The following TP53BP1 variants were observed in gnomAD, a reference collection of about 807,000 sequenced individuals.
The protein encoded by TP53BP1 is TP53-binding protein 1.
In TP53BP1, 61 loss-of-function variants were observed where a neutral mutation model predicts 200.8. That is an observed-to-expected ratio of 0.30 (90% CI 0.25 to 0.38). TP53BP1 has a LOEUF of 0.38. TP53BP1 is among the 10% of genes least tolerant of loss of function. TP53BP1 has a pLI of 1.00. For synonymous variants in TP53BP1, 822 were observed against 844.3 expected (o/e 0.97, Z 0.46); for missense variants, 2,144 against 2,371.9 (o/e 0.90, Z 2.00).
At chr15:43,429,310 T>C (rs2045619589) in intron 17 of TP53BP1, among the ~76,000 whole-genome samples, 1 of 152,224 alleles carries the variant, frequency 6.6e-6, no homozygotes, top group Admixed American at 6.5e-5. Context: ...AGAATTTCAG[T>C]CCTGCATTTC....
At chr15:43,457,671 CAAAAAAAAAAAAAAAAAAA>C (rs56866996) in intron 11 of TP53BP1, among the ~76,000 whole-genome samples, 1 of 19,082 alleles carries the variant, frequency 5.2e-5, no homozygotes. Flanking sequence ...GACTCCATCT[CAAAAAAAAAAAAAAAAAAA>C]AAAAAAAAAA....
chr15:43,482,232 A>C (rs926889337), intron 4 of TP53BP1, among the ~76,000 whole-genome samples: 10 of 151,680 alleles, frequency 6.6e-5, no homozygotes, highest in Admixed American at 3.9e-4. Context: ...CCACCTCAAA[A>C]AACAACAACA....
In TP53BP1 at chr15:43,456,237, A is replaced by G; in HGVS notation, c.2371T>C (p.Ser791Pro). The G allele has an allele frequency of 6.2e-7, 1 of 1,614,126 alleles. No homozygotes were observed. The highest frequency in any genetic ancestry group is 8.5e-7 in the Non-Finnish European group (1 of 1,180,036). The change falls in exon 12 of 28, where the codon TCA (serine) becomes CCA (proline). Residue 791 changes from serine to proline, a missense_variant. Physicochemically the swap from Ser to Pro is moderately conservative, Grantham distance 74 (BLOSUM62 -1). Transcript: ENST00000382044. ...EGVEKCSDSQ[S>P]WEDIAPEIEP... ...ATTTCTGGAGCAATATCCTCCCATGACTGGGAATCTGAGCACTTCTCCACT... is the reference window on the plus strand; with the variant it reads ...ATTTCTGGAGCAATATCCTCCCATGGCTGGGAATCTGAGCACTTCTCCACT...
intron 11 of TP53BP1, among the ~76,000 whole-genome samples, chr15:43,459,169 C>G (rs895438970): frequency 6.6e-6 from 1 of 151,974 alleles, no homozygotes; most frequent in Non-Finnish European, 1.5e-5. Flanking sequence ...GAAATCCCGC[C>G]CCTACTAAAA....
chr15:43,474,723 G>T lies in TP53BP1; in HGVS notation c.1130C>A (p.Ser377Tyr), dbSNP rs765304715. Residue 377 changes from serine (S) to tyrosine (Y), a missense_variant, in exon 10 of 28, where the codon TCT (serine) becomes TAT (tyrosine). Transcript: ENST00000382044. ...LVAPSPDAFR[S>Y]TPFIVPSSPT... is the part of the protein sequence containing the mutation. ...ACTGCTAGGAACGATAAAAGGAGTA[G>T]ATCGGAAAGCATCAGGAGAAGGAGC... The T allele has an allele frequency of 6.2e-7, 1 of 1,613,456 alleles. No individual in the cohort carries two copies.
rs999707110 is a variant in TP53BP1, at chr15:43,404,896, G to C, written c.*2487C>G. The C allele has an allele frequency of 4.1e-6, 2 of 488,214 alleles. No homozygotes were observed. 30.2% of individuals were successfully genotyped at this position (488,214 alleles called of 1,614,324 possible). ...CCCGCCTTGCTGGTCCCTAGCTTCC[G>C]CATCTGTGAAAGGAGGCGACCACCC... On this transcript the variant is annotated 3_prime_UTR_variant, in exon 28 of 28. Coordinates refer to ENST00000382044, the MANE Select transcript of TP53BP1 (RefSeq NM_001141980.3).
chr15:43,417,901 C>G (rs1032164186), intron 21 of TP53BP1, among the ~76,000 whole-genome samples: 5 of 152,084 alleles, frequency 3.3e-5, no homozygotes, highest in Non-Finnish European at 5.9e-5. Flanking sequence ...TTTTTCCAGC[C>G]GGGAGCAGTG....
chr15:43,469,912 T>G lies in TP53BP1; in HGVS notation c.1335A>C (p.Thr445=). Reference sequence around the variant, plus strand: ...GAAGTGACCCAGGAGGGAAGACTGGTGTGCTCTGAGATATTGGTGTTGAGG... The same window carrying G: ...GAAGTGACCCAGGAGGGAAGACTGGGGTGCTCTGAGATATTGGTGTTGAGG... ...PQASTPISQS[T]PVFPPGSLPI... Residue 445 remains threonine, a synonymous_variant, in exon 11 of 28, where the codon ACA becomes ACC. Transcript: ENST00000382044. 1 of 1,614,056 alleles carries G rather than the reference T, an allele frequency of 6.2e-7. No homozygotes were observed. The highest frequency in any genetic ancestry group is 1.1e-5 in the South Asian group (1 of 91,082).
At chr15:43,482,225 C>T (rs1286278209) in intron 4 of TP53BP1, among the ~76,000 whole-genome samples, 3 of 151,294 alleles carry the variant, frequency 2.0e-5, no homozygotes, top group East Asian at 1.9e-4. Context: ...CGAGACTCCA[C>T]CTCAAAAAAC....
intron 11 of TP53BP1, among the ~76,000 whole-genome samples, chr15:43,469,260 G>A (rs1399888358): frequency 6.6e-6 from 1 of 151,872 alleles, no homozygotes; most frequent in Non-Finnish European, 1.5e-5. Flanking sequence ...AATACACATT[G>A]GAAAACTAAA....
chr15:43,416,580 C>CACTTAGGATATATGTAGCT (rs2045270273), intron 21 of TP53BP1, 164 bp from the exon 22 acceptor site: 1 of 584,854 alleles, frequency 1.7e-6, no homozygotes, highest in Admixed American at 3.2e-5. Context: ...CAAACAGTAA[C>CACTTAGGATATATGTAGCT]ACTTAGGATA....
chr15:43,490,290 G>A lies in TP53BP1; in HGVS notation c.371+1379C>T, dbSNP rs142533391. Among the ~76,000 whole-genome samples the A allele has an allele frequency of 1.7e-3, 261 of 151,884 alleles. 2 individuals are homozygous for A. The highest frequency in any genetic ancestry group is 4.4e-3 in the South Asian group (21 of 4,804). On this transcript the variant is annotated intron_variant, in intron 4 of 27. Transcript: ENST00000382044. ...TTTTTAAGAGACCGGGTTTCACCAC[G>A]TTGTCCAGACTGGTATCAAACTCCT...
At chr15:43,469,527 C>A (rs1487953517) in intron 11 of TP53BP1, among the ~76,000 whole-genome samples, 3 of 151,912 alleles carry the variant, frequency 2.0e-5, no homozygotes, top group Non-Finnish European at 2.9e-5. Flanking sequence ...TTAAAAAAAA[C>A]CATAAGCATG....
At chr15:43,418,072 T>TG (rs1223794881) in intron 21 of TP53BP1, among the ~76,000 whole-genome samples, 2 of 149,188 alleles carry the variant, frequency 1.3e-5, no homozygotes, top group Non-Finnish European at 3.0e-5. Flanking sequence ...CCCAGCTACT[T>TG]GGGAGGCTGA....
intron 1 of TP53BP1, among the ~76,000 whole-genome samples, chr15:43,505,969 T>C (rs1270530873): frequency 2.6e-5 from 4 of 152,198 alleles, no homozygotes; most frequent in Non-Finnish European, 1.5e-5. Flanking sequence ...ATCTGAGCTG[T>C]ATGCAGCTCC....
At position 43,408,789 on chromosome 15, in the gene TP53BP1, C is replaced by T. The variant is rs542953222; in HGVS notation, c.5600+108G>A. On this transcript the variant is annotated intron_variant, in intron 26 of 27. Transcript: ENST00000382044. ...TTCAAACCCACTCAAATTTATCCCA[C>T]AGACATTCCAATTTCTAGAAAGCTT... 4.2e-4 allele frequency: 476 copies of T among 1,121,918 alleles called. 1 individual carries two copies. Among genetic ancestry groups the T allele is most frequent in the Admixed American group, 9.6e-4 (46 of 47,836 alleles). The allele number at this position is 1,121,918 out of a possible 1,614,324, so 69.5% of individuals were successfully genotyped here.
In TP53BP1 at chr15:43,439,836, G is replaced by A. The variant is rs545304180; in HGVS notation, c.3099-1420C>T. On this transcript the variant is annotated intron_variant, in intron 15 of 27. Transcript: ENST00000382044. Reference sequence around the variant, plus strand: ...AACATACTCTGTTCCCTCTGAATATGCACAAGTACAGACTAATAACAACTT... The same window carrying A: ...AACATACTCTGTTCCCTCTGAATATACACAAGTACAGACTAATAACAACTT... 6.6e-5 allele frequency among the ~76,000 whole-genome samples: 10 copies of A among 152,246 alleles called. No individual in the cohort carries two copies. In the East Asian group the frequency reaches 1.9e-3, roughly 29 times the overall value.
intron 4 of TP53BP1, among the ~76,000 whole-genome samples, chr15:43,482,475 A>G (rs1459034383): frequency 2.0e-5 from 3 of 151,444 alleles, no homozygotes; most frequent in African/African-American, 7.3e-5. Context: ...TCTACTAAAA[A>G]TACAAAAATT....
chr15:43,496,972 C>T (rs1389800125), upstream of TP53BP1, among the ~76,000 whole-genome samples: 1 of 152,224 alleles, frequency 6.6e-6, no homozygotes, highest in Non-Finnish European at 1.5e-5. Flanking sequence ...AGTATCATCT[C>T]CTGTCCACTC....
Sources: gnomAD v4.1 joint callset for allele counts (sites outside exome capture counted in the v4.1 genomes callset) on GRCh38, gnomAD v4.1.1 for gene constraint, MANE v1.5 for transcripts, NCBI Gene and HGNC (gene_info 2026-07-23, HGNC 2026-07-21) for gene names.